Variants in GRIA4 observed in about 807,000 individuals in gnomAD.
GRIA4 encodes glutamate receptor 4.
GRIA4 carries 34 observed loss-of-function variants against 104.0 expected under a neutral mutation model. The ratio of observed to expected loss-of-function variants is 0.33; its 90% confidence interval spans 0.25 to 0.44. The LOEUF is 0.44. GRIA4 is among the 20% of genes least tolerant of loss of function. The probability of loss-of-function intolerance (pLI) is 1.00; values close to 1 mark genes in which losing one functional copy is unlikely to be tolerated. For missense variants in GRIA4, 750 were observed against 1,096.5 expected (o/e 0.68, Z 4.46); for synonymous variants, 386 against 381.9 (o/e 1.01, Z -0.13).
At chr11:105,785,817 T>C (rs985182857) in intron 4 of GRIA4, among the ~76,000 whole-genome samples, 2 of 152,020 alleles carry the variant, frequency 1.3e-5, no homozygotes, top group Non-Finnish European at 2.9e-5. Flanking sequence ...TAATATCAAT[T>C]GACTAAGAAA....
chr11:105,909,757 G>A (rs1286214120), intron 9 of GRIA4, among the ~76,000 whole-genome samples: 1 of 151,984 alleles, frequency 6.6e-6, no homozygotes, highest in Admixed American at 6.6e-5. Context: ...ACTTTGCAGA[G>A]TCCTTAAGTA....
intron 5 of GRIA4, among the ~76,000 whole-genome samples, chr11:105,874,621 A>G (rs781041032): frequency 2.0e-5 from 3 of 152,080 alleles, no homozygotes; most frequent in Non-Finnish European, 4.4e-5. Context: ...TTCTCCTTGA[A>G]GAGGTCCTTC....
At chr11:105,867,255 G>A (rs999501397) in intron 5 of GRIA4, among the ~76,000 whole-genome samples, 1 of 152,060 alleles carries the variant, frequency 6.6e-6, no homozygotes, top group Non-Finnish European at 1.5e-5. Context: ...GAGAAAGAGA[G>A]GAAAATTTCT....
chr11:105,645,655 A>G (rs1951505637), intron 3 of GRIA4, among the ~76,000 whole-genome samples: 1 of 152,236 alleles, frequency 6.6e-6, no homozygotes, highest in South Asian at 2.1e-4. Context: ...GACACCACTG[A>G]GTAGAATTAG....
intron 3 of GRIA4, among the ~76,000 whole-genome samples, chr11:105,654,209 TG>T (rs1174872737): frequency 4.6e-5 from 7 of 151,590 alleles, no homozygotes; most frequent in African/African-American, 1.7e-4. Context: ...GCAGTGGTGG[TG>T]GGGCTGGAAA....
At chr11:105,816,002 A>AC (rs1249423709) in intron 4 of GRIA4, among the ~76,000 whole-genome samples, 1 of 152,012 alleles carries the variant, frequency 6.6e-6, no homozygotes, top group Non-Finnish European at 1.5e-5. Flanking sequence ...CATGCTTTTG[A>AC]CCCCAACTCA....
intron 9 of GRIA4, among the ~76,000 whole-genome samples, chr11:105,906,176 G>T (rs1469892823): frequency 6.6e-6 from 1 of 152,104 alleles, no homozygotes; most frequent in Admixed American, 6.6e-5. Flanking sequence ...CACTGGACTT[G>T]GTGCTTTGCA....
At chr11:105,954,804 G>A (rs1474970147) in intron 14 of GRIA4, among the ~76,000 whole-genome samples, 1 of 151,750 alleles carries the variant, frequency 6.6e-6, no homozygotes, top group Non-Finnish European at 1.5e-5. Context: ...CTGAGCATGA[G>A]TATTTGCAAT....
At chr11:105,682,476 A>G (rs1952741430) in intron 3 of GRIA4, among the ~76,000 whole-genome samples, 1 of 152,190 alleles carries the variant, frequency 6.6e-6, no homozygotes, top group African/African-American at 2.4e-5. Flanking sequence ...AATTTTCAAA[A>G]GTGTGATCAA....
chr11:105,676,382 C>T (rs1952536692), intron 3 of GRIA4, among the ~76,000 whole-genome samples: 1 of 151,560 alleles, frequency 6.6e-6, no homozygotes, highest in Non-Finnish European at 1.5e-5. Context: ...AGGAACAAAC[C>T]AAATGCCCTT....
At chr11:105,720,430 C>T (rs1461174374) in intron 3 of GRIA4, among the ~76,000 whole-genome samples, 2 of 151,662 alleles carry the variant, frequency 1.3e-5, no homozygotes, top group Non-Finnish European at 2.9e-5. Context: ...CTATCCAAAC[C>T]GAGAAAAGAA....
intron 16 of GRIA4, among the ~76,000 whole-genome samples, chr11:105,977,543 C>T (rs541785240): frequency 3.9e-5 from 6 of 152,094 alleles, no homozygotes; most frequent in Non-Finnish European, 8.8e-5. Flanking sequence ...AATGCCAATG[C>T]TGTAACTGGA....
chr11:105,797,743 A>G (rs139418613), intron 4 of GRIA4: 126 of 451,050 alleles, frequency 2.8e-4, no homozygotes, highest in Non-Finnish European at 4.5e-4. Context: ...AATCAGTACC[A>G]CACCATTGGC....
intron 4 of GRIA4, among the ~76,000 whole-genome samples, chr11:105,798,360 A>G (rs1942578338): frequency 6.6e-6 from 1 of 152,116 alleles, no homozygotes; most frequent in Non-Finnish European, 1.5e-5. Flanking sequence ...CAGGAGGAAC[A>G]CCAAATGCTG....
At chr11:105,807,054 T>C (rs1591287270) in intron 4 of GRIA4, among the ~76,000 whole-genome samples, 1 of 151,748 alleles carries the variant, frequency 6.6e-6, no homozygotes, top group African/African-American at 2.4e-5. Context: ...AACTAAAAAT[T>C]TCATAGACTC....
At chr11:105,653,263 C>T (rs1213544874) in intron 3 of GRIA4, among the ~76,000 whole-genome samples, 1 of 152,184 alleles carries the variant, frequency 6.6e-6, no homozygotes, top group African/African-American at 2.4e-5. Flanking sequence ...GACGGTAGCA[C>T]ACTTTCCAGC....
At chr11:105,666,567 A>T (rs1288166886) in intron 3 of GRIA4, among the ~76,000 whole-genome samples, 1 of 152,008 alleles carries the variant, frequency 6.6e-6, no homozygotes, top group Admixed American at 6.6e-5. Flanking sequence ...AACTCTTAGT[A>T]AATGATTATT....
intron 3 of GRIA4, among the ~76,000 whole-genome samples, chr11:105,668,280 T>C (rs1334901575): frequency 6.9e-6 from 1 of 145,434 alleles, no homozygotes; most frequent in Non-Finnish European, 1.5e-5. Flanking sequence ...TCTAAGAGGG[T>C]AGATCTTAAT....
intron 4 of GRIA4, among the ~76,000 whole-genome samples, chr11:105,759,535 A>G (rs1174350800): frequency 6.6e-6 from 1 of 152,130 alleles, no homozygotes; most frequent in Admixed American, 6.6e-5. Flanking sequence ...TACTCTTCAT[A>G]TAAAGTCCAA....
Sources: allele counts gnomAD v4.1 joint callset (sites outside exome capture counted in the v4.1 genomes callset), GRCh38; gene constraint gnomAD v4.1.1; transcripts MANE v1.5; gene names NCBI Gene and HGNC (gene_info 2026-07-23, HGNC 2026-07-21).